The following CNTN4 variants were observed in gnomAD, a reference collection of about 807,000 sequenced individuals.
The protein encoded by CNTN4 is contactin 4.
CNTN4 carries 77 observed loss-of-function variants against 122.5 expected under a neutral mutation model. The ratio of observed to expected loss-of-function variants is 0.63; its 90% CI spans 0.52 to 0.76. CNTN4 has a LOEUF of 0.76. Among genes scored for constraint, CNTN4 ranks in the 30% least tolerant of loss-of-function variants. The pLI is 0.00. For synonymous variants in CNTN4, 512 were observed against 447.0 expected, an observed-to-expected ratio of 1.15 and a Z score of -1.83; for missense variants, 1,256 against 1,259.1, an observed-to-expected ratio of 1.00 and a Z score of 0.04.
intron 2 of CNTN4, among the ~76,000 whole-genome samples, chr3:2,181,560 C>T (rs752853703): frequency 6.6e-6 from 1 of 152,072 alleles, no homozygotes; most frequent in Non-Finnish European, 1.5e-5. Context: ...CCCCTGACTA[C>T]TAATCCAGTG....
At chr3:2,839,759 A>G (rs1445514180) in intron 7 of CNTN4, among the ~76,000 whole-genome samples, 1 of 152,162 alleles carries the variant, frequency 6.6e-6, no homozygotes, top group Non-Finnish European at 1.5e-5. Flanking sequence ...CTAGACAATC[A>G]AACTGACTTG....
chr3:2,293,786 C>T (rs544575540), intron 2 of CNTN4, among the ~76,000 whole-genome samples: 4 of 152,188 alleles, frequency 2.6e-5, no homozygotes, highest in African/African-American at 7.2e-5. Flanking sequence ...AAATATTCTC[C>T]AAAATAAAAG....
intron 3 of CNTN4, among the ~76,000 whole-genome samples, chr3:2,341,947 T>A (rs991626807): frequency 9.2e-5 from 14 of 152,170 alleles, no homozygotes; most frequent in Non-Finnish European, 1.9e-4. Context: ...TGCTATCTTC[T>A]AGCCCCAGTA....
intron 7 of CNTN4, among the ~76,000 whole-genome samples, chr3:2,864,662 C>T (rs1180594282): frequency 6.9e-6 from 1 of 143,934 alleles, no homozygotes; most frequent in Non-Finnish European, 1.5e-5. Flanking sequence ...TTGCTTGAAC[C>T]CAGGAGGCAG....
At chr3:3,026,004 A>C in intron 14 of CNTN4, 98 bp from the exon 15 acceptor site, 1 of 1,178,324 alleles carries the variant, frequency 8.5e-7, no homozygotes, top group East Asian at 2.5e-5. Context: ...AAGCAAAATT[A>C]CTTAGTATTT....
chr3:2,802,541 C>T (rs762217705), intron 6 of CNTN4, among the ~76,000 whole-genome samples: 3 of 152,120 alleles, frequency 2.0e-5, no homozygotes, highest in Non-Finnish European at 2.9e-5. Context: ...TTCTTTCAGA[C>T]CACGAATTCA....
intron 2 of CNTN4, among the ~76,000 whole-genome samples, chr3:2,281,776 C>T (rs1403355260): frequency 6.6e-6 from 1 of 151,888 alleles, no homozygotes; most frequent in Non-Finnish European, 1.5e-5. Flanking sequence ...ATTAATTTGT[C>T]GAATTGTGTT....
At chr3:2,466,418 A>G (rs902459000) in intron 3 of CNTN4, among the ~76,000 whole-genome samples, 22 of 152,356 alleles carry the variant, frequency 1.4e-4, no homozygotes, top group African/African-American at 5.3e-4. Flanking sequence ...GTGTAGAATA[A>G]TAAGATTAGA....
Position 2,167,520 on chromosome 3 carries a change from A to C in CNTN4, c.-145+66881A>C, listed in dbSNP as rs574425015. 3.9e-5 allele frequency among the ~76,000 whole-genome samples: 6 copies of C among 152,330 alleles called. No homozygotes were observed. The South Asian group carries it at 1.0e-3, about 26-fold the overall frequency. On this transcript the variant is annotated intron_variant, in intron 2 of 24. Coordinates refer to ENST00000418658, the MANE Select transcript of CNTN4 (RefSeq NM_175607.3). Reference sequence around the variant, plus strand: ...GATGAATTGGAAACATAAACATTCAAGAAGAAATTAACAAAACTATTACCA... The same window carrying C: ...GATGAATTGGAAACATAAACATTCACGAAGAAATTAACAAAACTATTACCA...
intron 13 of CNTN4, among the ~76,000 whole-genome samples, chr3:2,955,402 C>T (rs1302713395): frequency 6.6e-6 from 1 of 152,186 alleles, no homozygotes; most frequent in East Asian, 1.9e-4. Flanking sequence ...CACACAAACT[C>T]ATCTCTTCTA....
intron 12 of CNTN4, among the ~76,000 whole-genome samples, chr3:2,908,693 C>A (rs114006000): frequency 0.016 from 2,455 of 152,252 alleles, 71 homozygotes; most frequent in African/African-American, 0.056. Context: ...GGTCAAAAAT[C>A]TTTGATTTTG....
intron 3 of CNTN4, among the ~76,000 whole-genome samples, chr3:2,539,483 T>A (rs996866913): frequency 1.3e-5 from 2 of 152,122 alleles, no homozygotes; most frequent in Non-Finnish European, 2.9e-5. Flanking sequence ...TTCCTTAATC[T>A]CCACTTATGA....
intron 3 of CNTN4, among the ~76,000 whole-genome samples, chr3:2,534,314 T>C (rs1301867164): frequency 2.0e-5 from 3 of 152,196 alleles, no homozygotes; most frequent in Non-Finnish European, 4.4e-5. Context: ...AGTTTCAGCT[T>C]TCTACATATG....
intron 2 of CNTN4, among the ~76,000 whole-genome samples, chr3:2,287,020 A>G (rs1292794286): frequency 6.6e-6 from 1 of 152,214 alleles, no homozygotes; most frequent in African/African-American, 2.4e-5. Flanking sequence ...AGTTAGATCA[A>G]ACATTCCCCT....
intron 4 of CNTN4, among the ~76,000 whole-genome samples, chr3:2,689,783 C>G (rs929911116): frequency 1.3e-5 from 2 of 152,094 alleles, no homozygotes; most frequent in African/African-American, 4.8e-5. Flanking sequence ...TCCTATACAC[C>G]ACAATACGAA....
chr3:2,425,771 G>A lies in CNTN4; in HGVS notation c.-89+86538G>A, dbSNP rs559589600. Among the ~76,000 whole-genome samples the A allele has an allele frequency of 5.9e-5, 9 of 152,232 alleles. No homozygotes were observed. In the East Asian group the frequency reaches 1.7e-3, roughly 29 times the overall value. ...GCAGTGCTTTGTAGTTCTCCTTGAA[G>A]AGCTCCTTCACAACCCTTGTGAGTT... is the stretch of plus-strand genomic sequence containing the variant. On this transcript the variant is annotated intron_variant, in intron 3 of 24. Transcript: ENST00000418658.
chr3:2,795,569 G>A (rs959018246), intron 6 of CNTN4, among the ~76,000 whole-genome samples: 1 of 150,656 alleles, frequency 6.6e-6, no homozygotes, highest in African/African-American at 2.4e-5. Context: ...CGCCCAGGCT[G>A]GAGTGCGGTG....
intron 11 of CNTN4, among the ~76,000 whole-genome samples, chr3:2,902,639 A>G (rs1272748734): frequency 6.6e-6 from 1 of 152,224 alleles, no homozygotes; most frequent in African/African-American, 2.4e-5. Context: ...AATCAATGAG[A>G]ACTCAAGAGA....
chr3:2,171,394 G>C (rs541420697), intron 2 of CNTN4, among the ~76,000 whole-genome samples: 1 of 152,254 alleles, frequency 6.6e-6, no homozygotes, highest in Non-Finnish European at 1.5e-5. Flanking sequence ...ATTTTTGTCT[G>C]TCTTTTGTGT....
Sources: allele counts gnomAD v4.1 joint callset (sites outside exome capture counted in the v4.1 genomes callset), GRCh38; gene constraint gnomAD v4.1.1; transcripts MANE v1.5; gene names NCBI Gene and HGNC (gene_info 2026-07-23, HGNC 2026-07-21).